The following RNF212B variants were observed in gnomAD, a reference collection of about 807,000 sequenced individuals.
RNF212B encodes ring finger protein 212B, also known as E3 ubiquitin-protein ligase RNF212B.
Under a neutral mutation model 55.5 loss-of-function variants are expected in RNF212B, and 52 were observed. That is an observed-to-expected ratio of 0.94 (90% CI 0.75 to 1.18). The LOEUF (loss-of-function observed/expected upper bound fraction) is 1.18. Ranked by LOEUF, RNF212B falls within the 50% of genes most tolerant of loss-of-function variation. The pLI is 0.00. For synonymous variants in RNF212B, 99 were observed against 121.4 expected (o/e 0.82, Z 1.21); for missense variants, 289 against 350.4 (o/e 0.82, Z 1.40).
chr14:23,249,796 C>A (rs1208683034), intron 4 of RNF212B, among the ~76,000 whole-genome samples: 1 of 152,158 alleles, frequency 6.6e-6, no homozygotes, highest in Non-Finnish European at 1.5e-5. Context: ...GTACTTCAGA[C>A]ATCTTACTAA....
intron 11 of RNF212B, 100 bp downstream of exon 11, chr14:23,264,771 T>G: frequency 1.7e-6 from 1 of 572,276 alleles, no homozygotes; most frequent in Non-Finnish European, 2.4e-6. Flanking sequence ...TTTCACTTGT[T>G]TTTTTTTCCT....
chr14:23,234,766 A>G (rs1882977783), upstream of RNF212B, among the ~76,000 whole-genome samples: 1 of 152,258 alleles, frequency 6.6e-6, no homozygotes, highest in Non-Finnish European at 1.5e-5. Flanking sequence ...TTTCCAGTGA[A>G]AACTTTTATT....
chr14:23,233,957 C>T (rs963927897), upstream of RNF212B, among the ~76,000 whole-genome samples: 1 of 151,902 alleles, frequency 6.6e-6, no homozygotes, highest in Non-Finnish European at 1.5e-5. Context: ...ATTAGCCAGG[C>T]CTGGTGGTGT....
intron 2 of RNF212B, among the ~76,000 whole-genome samples, chr14:23,229,262 A>ATATATATATC: frequency 8.6e-6 from 1 of 116,148 alleles, no homozygotes; most frequent in Non-Finnish European, 1.8e-5. Flanking sequence ...ATATATATAT[A>ATATATATATC]CCACATTGTT....
intron 7 of RNF212B, among the ~76,000 whole-genome samples, chr14:23,261,980 A>C (rs537269966): frequency 1.6e-5 from 2 of 126,756 alleles, no homozygotes; most frequent in East Asian, 4.7e-4. Flanking sequence ...AACAAACAAA[A>C]AAACAGAAAA....
At chr14:23,216,012 A>C (rs974015923) in intron 2 of RNF212B, among the ~76,000 whole-genome samples, 8 of 152,178 alleles carry the variant, frequency 5.3e-5, no homozygotes, top group Non-Finnish European at 8.8e-5. Flanking sequence ...TTGGGAGGCC[A>C]AGGCGGGCGG....
intron 1 of RNF212B, among the ~76,000 whole-genome samples, chr14:23,190,346 C>G (rs1878006662): frequency 6.6e-6 from 1 of 152,216 alleles, no homozygotes; most frequent in Non-Finnish European, 1.5e-5. Flanking sequence ...ATAGGCACCT[C>G]TAGCCTAATA....
At chr14:23,233,710 T>C (rs1327486316), upstream of RNF212B, among the ~76,000 whole-genome samples, 3 of 140,008 alleles carry the variant, frequency 2.1e-5, no homozygotes, top group African/African-American at 8.2e-5. Flanking sequence ...ACACTGCACT[T>C]CAGCCTGGGC....
rs45453094 is a variant in RNF212B at position 23,270,624 on chromosome 14, T to C, written c.797T>C (p.Leu266Pro). 23,737 of 1,550,258 alleles carry C rather than the reference T, an allele frequency of 0.015. 203 individuals are homozygous for C. The highest frequency in any genetic ancestry group is 0.017 in the Non-Finnish European group (19,162 of 1,146,330). ...NFAQRESTTT[L>P]ESLPSFQLPV... is the part of the protein sequence containing the mutation. ...GCTCAGAGGGAGAGCACAACTACAC[T>C]AGAGAGTCTTCCTAGTTTCCAGCTA... Residue 266 changes from leucine (L) to proline (P), a missense_variant, in exon 14 of 15, where the codon CTA (leucine) becomes CCA (proline). By Grantham distance (98) the Leu-to-Pro change is moderately conservative (BLOSUM62 -3). Transcript: ENST00000430154.
At chr14:23,230,969 G>T (rs1166568147) in intron 2 of RNF212B, among the ~76,000 whole-genome samples, 1 of 152,068 alleles carries the variant, frequency 6.6e-6, no homozygotes, top group African/African-American at 2.4e-5. Flanking sequence ...CTATTCTGTT[G>T]GTCTATATAT....
At chr14:23,186,197 G>T (rs909074342) in intron 1 of RNF212B, among the ~76,000 whole-genome samples, 30 of 152,134 alleles carry the variant, frequency 2.0e-4, no homozygotes, top group Non-Finnish European at 4.4e-5. Context: ...CCTCTCTGTA[G>T]GTTGGAATCT....
At chr14:23,254,053 A>C (rs1884604822) in intron 4 of RNF212B, among the ~76,000 whole-genome samples, 1 of 152,120 alleles carries the variant, frequency 6.6e-6, no homozygotes, top group Non-Finnish European at 1.5e-5. Flanking sequence ...CCGAAGTGGG[A>C]GAACGGCTAG....
chr14:23,250,655 G>A (rs1884338555), intron 4 of RNF212B, among the ~76,000 whole-genome samples: 1 of 152,088 alleles, frequency 6.6e-6, no homozygotes, highest in South Asian at 2.1e-4. Context: ...TCTGAGACAA[G>A]TCTCAGTTAA....
intron 2 of RNF212B, among the ~76,000 whole-genome samples, chr14:23,211,110 T>C (rs1419741952): frequency 6.6e-6 from 1 of 151,168 alleles, no homozygotes; most frequent in South Asian, 2.1e-4. Context: ...CCCAGCTACC[T>C]GGGAGGCTGA....
Position 23,215,156 on chromosome 14 carries a change from A to G in RNF212B, c.-2+21755A>G, listed in dbSNP as rs915032765. Among the ~76,000 whole-genome samples, 28 of 152,042 alleles carry G rather than the reference A, an allele frequency of 1.8e-4. 1 individual carries two copies. The highest frequency in any genetic ancestry group is 1.6e-3 in the Admixed American group (24 of 15,244). On this transcript the variant is annotated intron_variant, in intron 2 of 15. Coordinates refer to the RNF212B transcript ENST00000399910. ...GGTGAGTGAGTTCTCATGAGACATG[A>G]TGGTTTAAAAGTGTTTGGCAGTTCC...
At chr14:23,220,608 G>A (rs1174165077) in intron 2 of RNF212B, among the ~76,000 whole-genome samples, 1 of 151,596 alleles carries the variant, frequency 6.6e-6, no homozygotes, top group Non-Finnish European at 1.5e-5. Context: ...GGTGGATCAC[G>A]AGGTCAGGAG....
chr14:23,248,862 G>T (rs2140450804), intron 4 of RNF212B, among the ~76,000 whole-genome samples: 1 of 152,252 alleles, frequency 6.6e-6, no homozygotes, highest in East Asian at 1.9e-4. Flanking sequence ...GTCAACAAAT[G>T]AATTTTTGTG....
At chr14:23,239,472 C>G (rs950998530) in intron 1 of RNF212B, among the ~76,000 whole-genome samples, 1 of 152,132 alleles carries the variant, frequency 6.6e-6, no homozygotes, top group Non-Finnish European at 1.5e-5. Flanking sequence ...AAAATGTGTC[C>G]CAAGTGGCTA....
rs1380811679 is a variant in RNF212B, at chr14:23,259,823, TA to T, written c.345-55del. On this transcript the variant is annotated intron_variant, in intron 5 of 14. Transcript: ENST00000430154. ...AACTAGATGTTAATAGTTATAATAA[TA>T]AAAAATCAGGTTTTTAATCCCTGAT... 5.8e-6 allele frequency: 5 copies of T among 856,270 alleles called. No homozygotes were observed. In the South Asian group the frequency reaches 9.3e-5, roughly 16 times the overall value. The allele number at this position is 856,270 out of a possible 1,614,324, so 53.0% of individuals were successfully genotyped here. A position where few individuals can be genotyped will look rare whatever the true frequency, so the allele number is the denominator to read the frequency against.
Sources: allele counts gnomAD v4.1 joint callset (sites outside exome capture counted in the v4.1 genomes callset), GRCh38; gene constraint gnomAD v4.1.1; transcripts MANE v1.5; gene names NCBI Gene and HGNC (gene_info 2026-07-23, HGNC 2026-07-21).